Variants in TRIQK observed in about 807,000 individuals in gnomAD.
The protein encoded by TRIQK is triple QxxK/R motif containing.
TRIQK carries 10 observed loss-of-function variants against 10.8 expected under a neutral mutation model. The ratio of observed to expected loss-of-function variants is 0.92; its 90% CI spans 0.57 to 1.57. The LOEUF is 1.57. Among genes scored for constraint, TRIQK ranks in the 40% most tolerant of loss-of-function variants. The probability of loss-of-function intolerance (pLI) is 0.00; values close to 1 mark genes in which losing one functional copy is unlikely to be tolerated. For synonymous variants in TRIQK, 33 were observed against 33.7 expected (o/e 0.98, Z 0.07); for missense variants, 107 against 97.7 (o/e 1.09, Z -0.40).
intron 2 of TRIQK, chr8:92,921,310 T>A (rs1160694797): frequency 6.6e-6 from 1 of 151,640 alleles, no homozygotes; most frequent in East Asian, 1.9e-4. Context: ...ATGTGCATAG[T>A]TATTTCCGTG....
chr8:92,915,038 G>T (rs1809754003), intron 3 of TRIQK, among the ~76,000 whole-genome samples: 1 of 152,104 alleles, frequency 6.6e-6, no homozygotes, highest in Non-Finnish European at 1.5e-5. Context: ...TTAAAAAGGA[G>T]GTCCTGCCAT....
chr8:92,966,777 G>A (rs1036405774), upstream of TRIQK, among the ~76,000 whole-genome samples: 1 of 152,084 alleles, frequency 6.6e-6, no homozygotes, highest in Non-Finnish European at 1.5e-5. Flanking sequence ...GGCTAGGAAA[G>A]GCTAGATTTA....
intron 2 of TRIQK, among the ~76,000 whole-genome samples, chr8:92,940,477 T>C (rs1372413607): frequency 1.3e-5 from 2 of 152,088 alleles, no homozygotes; most frequent in Non-Finnish European, 2.9e-5. Context: ...GGAGTAGCTA[T>C]ACTTATATCA....
At chr8:92,977,149 ATTTTGTATG>A in intron 1 of TRIQK, among the ~76,000 whole-genome samples, 1 of 151,950 alleles carries the variant, frequency 6.6e-6, no homozygotes, top group African/African-American at 2.4e-5. Flanking sequence ...TTTCTTGAGC[ATTTTGTATG>A]AAGTGTGCTT....
At chr8:92,962,202 T>C (rs1277380563) in intron 1 of TRIQK, among the ~76,000 whole-genome samples, 1 of 152,238 alleles carries the variant, frequency 6.6e-6, no homozygotes, top group East Asian at 1.9e-4. Flanking sequence ...TGATCAAATA[T>C]GTATCACTAT....
chr8:93,001,935 T>C (rs1347320499), intron 1 of TRIQK, among the ~76,000 whole-genome samples: 3 of 152,250 alleles, frequency 2.0e-5, no homozygotes, highest in Non-Finnish European at 4.4e-5. Flanking sequence ...TTGATGATCT[T>C]TTCTGGCTGT....
chr8:92,933,491 G>A (rs962162759), intron 2 of TRIQK, among the ~76,000 whole-genome samples: 13 of 151,986 alleles, frequency 8.6e-5, no homozygotes, highest in East Asian at 1.9e-4. Context: ...TATGCTCCAC[G>A]CTATGGCAAG....
chr8:92,898,803 T>A (rs974612977), intron 3 of TRIQK, among the ~76,000 whole-genome samples: 1 of 141,810 alleles, frequency 7.1e-6, no homozygotes, highest in African/African-American at 2.6e-5. Flanking sequence ...TTTTACTTAA[T>A]TTTTGCAGGT....
intron 2 of TRIQK, among the ~76,000 whole-genome samples, chr8:92,925,198 A>G (rs74393977): frequency 0.02 from 3,001 of 152,248 alleles, 102 homozygotes; most frequent in African/African-American, 0.068. Context: ...GAAAAACAAA[A>G]CAAACAACCA....
chr8:92,996,106 AAATGAT>A (rs1813151697), intron 1 of TRIQK, among the ~76,000 whole-genome samples: 2 of 152,068 alleles, frequency 1.3e-5, no homozygotes, highest in African/African-American at 4.8e-5. Flanking sequence ...AATGTAAATA[AAATGAT>A]TTTTACTTTC....
At chr8:92,898,870 T>TATATATATAG (rs1563616273) in intron 3 of TRIQK, among the ~76,000 whole-genome samples, 1 of 131,666 alleles carries the variant, frequency 7.6e-6, no homozygotes, top group Non-Finnish European at 1.6e-5. Context: ...TATATATATA[T>TATATATATAG]ATAGATGGGG....
intron 2 of TRIQK, among the ~76,000 whole-genome samples, chr8:92,946,560 G>A (rs932763079): frequency 2.0e-5 from 3 of 152,058 alleles, no homozygotes; most frequent in Non-Finnish European, 2.9e-5. Context: ...GCCCTATTTA[G>A]CTCAGATCAG....
intron 3 of TRIQK, among the ~76,000 whole-genome samples, chr8:92,910,770 A>G (rs1407013020): frequency 2.0e-5 from 3 of 151,366 alleles, no homozygotes; most frequent in Non-Finnish European, 3.0e-5. Context: ...AGGGGAAATT[A>G]TCATAAATAT....
intron 1 of TRIQK, among the ~76,000 whole-genome samples, chr8:92,994,928 A>AC (rs1813137648): frequency 1.2e-5 from 1 of 81,712 alleles, no homozygotes; most frequent in Non-Finnish European, 2.3e-5. Context: ...TCCTTCTCTT[A>AC]AAAAAAAACT....
At chr8:92,899,793 T>C (rs2130333405) in intron 3 of TRIQK, among the ~76,000 whole-genome samples, 1 of 152,312 alleles carries the variant, frequency 6.6e-6, no homozygotes, top group South Asian at 2.1e-4. Context: ...GATCATCTGG[T>C]AGCTCTATTT....
intron 3 of TRIQK, among the ~76,000 whole-genome samples, chr8:92,903,980 G>A (rs1809103613): frequency 6.6e-6 from 1 of 152,020 alleles, no homozygotes; most frequent in Non-Finnish European, 1.5e-5. Flanking sequence ...GCAGTCAAAG[G>A]AGTCCTCCTT....
chr8:92,909,492 C>T (rs931928212), intron 3 of TRIQK, among the ~76,000 whole-genome samples: 2 of 151,742 alleles, frequency 1.3e-5, no homozygotes, highest in Non-Finnish European at 3.0e-5. Flanking sequence ...ATAAACATCT[C>T]GGGCAAATTT....
At chr8:92,940,546 T>C (rs2130605344) in intron 2 of TRIQK, among the ~76,000 whole-genome samples, 1 of 152,248 alleles carries the variant, frequency 6.6e-6, no homozygotes, top group East Asian at 1.9e-4. Flanking sequence ...CATTATATAA[T>C]AATAAATGGA....
chr8:92,968,030 A>T (rs1397601076), upstream of TRIQK, among the ~76,000 whole-genome samples: 1 of 152,098 alleles, frequency 6.6e-6, no homozygotes, highest in African/African-American at 2.4e-5. Context: ...ATACAACAAG[A>T]AGTAAATAGC....
Sources: allele counts gnomAD v4.1 joint callset (sites outside exome capture counted in the v4.1 genomes callset), GRCh38; gene constraint gnomAD v4.1.1; transcripts MANE v1.5; gene names NCBI Gene and HGNC (gene_info 2026-07-23, HGNC 2026-07-21).